Variants in SEMA7A observed in about 807,000 individuals in gnomAD.
The protein encoded by SEMA7A is semaphorin-7A.
In SEMA7A, 21 loss-of-function variants were observed where a neutral mutation model predicts 67.5. The observed-to-expected ratio is 0.31, with a 90% CI of 0.22 to 0.45. The LOEUF (loss-of-function observed/expected upper bound fraction) is 0.45, where lower values mean the gene tolerates loss of function less well. Among genes scored for constraint, SEMA7A ranks in the 20% least tolerant of loss-of-function variants. The pLI is 1.00. For missense variants in SEMA7A, 774 were observed against 908.6 expected, an observed-to-expected ratio of 0.85 and a Z score of 1.90; for synonymous variants, 364 against 368.5, an observed-to-expected ratio of 0.99 and a Z score of 0.14.
chr15:74,411,536 A>T lies in SEMA7A; in HGVS notation c.1577+20T>A. 1 of 1,545,788 alleles carries T rather than the reference A, an allele frequency of 6.5e-7. No individual in the cohort carries two copies. The highest frequency in any genetic ancestry group is 1.2e-5 in the South Asian group (1 of 80,032). Reference sequence around the variant, plus strand: ...CCATGCCCACCTTCTCCCAGGGACGAGGGATCCCGGCCAACGTACCGTTCG... The same window carrying T: ...CCATGCCCACCTTCTCCCAGGGACGTGGGATCCCGGCCAACGTACCGTTCG... On this transcript the variant is annotated intron_variant, in intron 12 of 13. Transcript: ENST00000261918. The surrounding 1 kb of genome is among the most constrained non-coding windows in gnomAD (Gnocchi z 4.4).
rs28362878 is a variant in SEMA7A, at chr15:74,427,220, A to T, written c.178+6521T>A. ...AGATCATGCTGTCTGATGGGATTTC[A>T]TCTGGCCTATGGGGCCCTGAAGGTG... is the stretch of plus-strand genomic sequence containing the variant. On this transcript the variant is annotated intron_variant, in intron 1 of 13. Coordinates refer to ENST00000261918, the MANE Select transcript of SEMA7A (RefSeq NM_003612.5). 6.2e-4 allele frequency: 614 copies of T among 985,392 alleles called. No homozygotes were observed. The African/African-American group carries it at 0.01, about 17-fold the overall frequency. 61.0% of individuals were successfully genotyped at this position (985,392 alleles called of 1,614,324 possible). A position where few individuals can be genotyped will look rare whatever the true frequency, so the allele number is the denominator to read the frequency against.
At chr15:74,416,899 C>A (rs1013404810) in intron 6 of SEMA7A, among the ~76,000 whole-genome samples, 185 bp from the exon 7 acceptor site, 1 of 152,192 alleles carries the variant, frequency 6.6e-6, no homozygotes, top group African/African-American at 2.4e-5. Flanking sequence ...CCACCCCACA[C>A]CTGTTTTGCC....
intron 1 of SEMA7A, among the ~76,000 whole-genome samples, chr15:74,425,253 C>A (rs1255974530): frequency 1.3e-5 from 2 of 152,214 alleles, no homozygotes; most frequent in Non-Finnish European, 1.5e-5. Flanking sequence ...AAACACTATT[C>A]CAAATGATTT....
chr15:74,416,562 C>CA lies in SEMA7A; in HGVS notation c.801+12_801+13insT. ...ACAGACACGTAGCCAGCAGCCCTCA[C>CA]GCCCCTGCTCACCCTGCACAACTGG... On this transcript the variant is annotated intron_variant, in intron 7 of 13. Transcript: ENST00000261918. 1.2e-6 allele frequency: 2 copies of CA among 1,612,636 alleles called. No individual in the cohort carries two copies. The highest frequency in any genetic ancestry group is 8.5e-7 in the Non-Finnish European group (1 of 1,178,988).
At chr15:74,420,570 A>T (rs934198034) in intron 1 of SEMA7A, among the ~76,000 whole-genome samples, 10 of 152,120 alleles carry the variant, frequency 6.6e-5, no homozygotes, top group African/African-American at 2.4e-4. Context: ...TAGGCCCGAG[A>T]TGTGCAGAGC....
chr15:74,410,206 A>C lies in SEMA7A; in HGVS notation c.*418T>G. 1 of 169,186 alleles carries C rather than the reference A, an allele frequency of 5.9e-6. No homozygotes were observed. Among genetic ancestry groups the C allele is most frequent in the Non-Finnish European group, 1.3e-5 (1 of 79,680 alleles). 10.5% of individuals were successfully genotyped at this position (169,186 alleles called of 1,614,324 possible). A position where few individuals can be genotyped will look rare whatever the true frequency, so the allele number is the denominator to read the frequency against. ...ATGAGAGAGGGAGGGGAAGGAGGCA[A>C]TGTGGGTACCAAGAGTCCAGAAGGA... On this transcript the variant is annotated 3_prime_UTR_variant, in exon 14 of 14. Coordinates refer to ENST00000261918, the MANE Select transcript of SEMA7A (RefSeq NM_003612.5). The surrounding 1 kb of genome is among the most constrained non-coding windows in gnomAD (Gnocchi z 7.5).
At chr15:74,429,068 G>A (rs141722654) in intron 1 of SEMA7A, among the ~76,000 whole-genome samples, 3 of 152,328 alleles carry the variant, frequency 2.0e-5, no homozygotes, top group African/African-American at 7.2e-5. Context: ...GGCAGGACAG[G>A]TTAAGGGCCC....
At position 74,412,008 on chromosome 15, in the gene SEMA7A, CCT is replaced by C. The variant is rs1302271379; in HGVS notation, c.1297_1298del (p.Arg433GlyfsTer40). 3.1e-6 allele frequency: 5 copies of C among 1,613,808 alleles called. No individual in the cohort carries two copies. The highest frequency in any genetic ancestry group is 1.1e-5 in the South Asian group (1 of 91,060). On this transcript the variant is annotated frameshift_variant and splice_region_variant, in exon 11 of 14. Coordinates refer to ENST00000261918, the MANE Select transcript of SEMA7A (RefSeq NM_003612.5). LOFTEE classifies it high-confidence loss of function. ...TFHVLYLTTDRGTIHKVVEPG... is the reference protein window; with the variant it reads ...TFHVLYLTTDXGTIHKVVEPG... The stretch of plus-strand genomic sequence containing the variant: ...GTTCCACCACCTTGTGGATAGTGCC[CCT>C]GTCTGTGTATGGTGGACAGAGGGTC...
At chr15:74,420,960 C>T (rs1234426290) in intron 1 of SEMA7A, among the ~76,000 whole-genome samples, 1 of 152,246 alleles carries the variant, frequency 6.6e-6, no homozygotes, top group Non-Finnish European at 1.5e-5. Flanking sequence ...TAGCCACCTT[C>T]ATCAGTCACC....
At chr15:74,432,925 G>A (rs1369106052) in intron 1 of SEMA7A, among the ~76,000 whole-genome samples, 1 of 152,034 alleles carries the variant, frequency 6.6e-6, no homozygotes, top group Admixed American at 6.5e-5. Flanking sequence ...AGGTGCCCTG[G>A]GGGAGACTCC....
intron 1 of SEMA7A, chr15:74,433,540 G>T: frequency 8.3e-7 from 1 of 1,207,912 alleles, no homozygotes; most frequent in East Asian, 3.4e-5. Flanking sequence ...GCTCGCCGCA[G>T]CGTTACAGCC....
chr15:74,411,880 C>T lies in SEMA7A; in HGVS notation c.1422+5G>A. 1 of 1,613,608 alleles carries T rather than the reference C, an allele frequency of 6.2e-7. No individual in the cohort carries two copies. Among genetic ancestry groups the T allele is most frequent in the Non-Finnish European group, 8.5e-7 (1 of 1,179,920 alleles). On this transcript the variant is annotated splice_donor_5th_base_variant and intron_variant, in intron 11 of 13. Coordinates refer to ENST00000261918, the MANE Select transcript of SEMA7A (RefSeq NM_003612.5). This position sits in a 1 kb window ranked among gnomAD's most constrained non-coding sequence, Gnocchi z 4.4. ...GCCCATGGGACGCAGTGGGGGAAGG[C>T]TCACCCGCTCAGCATCCAGCGACAT... is the stretch of plus-strand genomic sequence containing the variant.
intron 4 of SEMA7A, 33 bp downstream of exon 4, chr15:74,417,844 G>C (rs1440378866): frequency 1.2e-6 from 2 of 1,608,616 alleles, no homozygotes; most frequent in South Asian, 2.2e-5. Flanking sequence ...TAGAAGGTGA[G>C]CTGATCAGGC....
chr15:74,418,703 A>G (rs2060973632), intron 2 of SEMA7A, 98 bp downstream of exon 2: 1 of 1,402,000 alleles, frequency 7.1e-7, no homozygotes, highest in Non-Finnish European at 9.7e-7. Flanking sequence ...GCAGTTTAGG[A>G]AGAGAAGCCA....
intron 10 of SEMA7A, among the ~76,000 whole-genome samples, chr15:74,413,322 T>TA (rs2060917849): frequency 6.6e-6 from 1 of 152,238 alleles, no homozygotes; most frequent in Non-Finnish European, 1.5e-5. Context: ...GCAGAGGACT[T>TA]AGAAAGCTCT....
Position 74,418,254 on chromosome 15 carries a change from C to T in SEMA7A, c.372+14G>A. The T allele has an allele frequency of 8.1e-6, 13 of 1,612,746 alleles. No homozygotes were observed. Among genetic ancestry groups the T allele is most frequent in the East Asian group, 2.2e-5 (1 of 44,862 alleles). On this transcript the variant is annotated intron_variant, in intron 3 of 13. Coordinates refer to ENST00000261918, the MANE Select transcript of SEMA7A (RefSeq NM_003612.5). The stretch of plus-strand genomic sequence containing the variant: ...AAGTGGCTCAGACCCCTCCATACCC[C>T]CTCCCCCACTCACCCGCTTATCCAG...
At chr15:74,419,837 G>A (rs28362902) in intron 1 of SEMA7A, among the ~76,000 whole-genome samples, 25,905 of 152,148 alleles carry the variant, frequency 0.17, 3,209 homozygotes, top group East Asian at 0.54. Flanking sequence ...AGGGCTGACC[G>A]GGAAAATTTT....
chr15:74,425,285 A>G (rs1399827437), intron 1 of SEMA7A, among the ~76,000 whole-genome samples: 3 of 152,266 alleles, frequency 2.0e-5, no homozygotes, highest in East Asian at 3.8e-4. Flanking sequence ...AACTCATTTA[A>G]TCATCACTGA....
chr15:74,415,077 G>A, intron 8 of SEMA7A, 131 bp from the exon 9 acceptor site: 1 of 708,782 alleles, frequency 1.4e-6, no homozygotes, highest in Non-Finnish European at 2.5e-6. Context: ...ATGGAGAGGA[G>A]GAAGGAGAGG....
Sources: allele counts gnomAD v4.1 joint callset (sites outside exome capture counted in the v4.1 genomes callset), GRCh38; gene constraint gnomAD v4.1.1; non-coding constraint Gnocchi (gnomAD v3.1); transcripts MANE v1.5; gene names NCBI Gene and HGNC (gene_info 2026-07-23, HGNC 2026-07-21).